Variants in FARS2 observed in about 807,000 individuals in gnomAD.
The protein encoded by FARS2 is phenylalanyl-tRNA synthetase 2, mitochondrial.
FARS2 carries 40 observed loss-of-function variants against 46.4 expected under a neutral mutation model. The observed-to-expected ratio is 0.86, with a 90% CI of 0.67 to 1.12. FARS2 has a LOEUF of 1.12. FARS2 is among the 50% of genes most tolerant of loss of function. FARS2 has a pLI of 0.00. For synonymous variants in FARS2, 234 were observed against 214.9 expected (o/e 1.09, Z -0.78); for missense variants, 513 against 567.9 (o/e 0.90, Z 0.98).
intron 2 of FARS2, among the ~76,000 whole-genome samples, chr6:5,389,343 GTCTC>G (rs1321779866): frequency 6.6e-6 from 1 of 151,690 alleles, no homozygotes; most frequent in Non-Finnish European, 1.5e-5. Flanking sequence ...CTTGTGTCCT[GTCTC>G]TCTCTCTCTC....
intron 6 of FARS2, among the ~76,000 whole-genome samples, chr6:5,649,819 C>T (rs1000598482): frequency 1.3e-5 from 2 of 152,174 alleles, no homozygotes; most frequent in Non-Finnish European, 2.9e-5. Flanking sequence ...TGGGGACCCA[C>T]AGGCCAAGTT....
intron 3 of FARS2, among the ~76,000 whole-genome samples, chr6:5,407,066 TA>T (rs1471304441): frequency 1.5e-4 from 16 of 109,626 alleles, no homozygotes; most frequent in East Asian, 7.6e-4. Flanking sequence ...TATATATATA[TA>T]ATGACCAATA....
chr6:5,345,618 G>C (rs1480162701), intron 1 of FARS2, among the ~76,000 whole-genome samples: 1 of 152,212 alleles, frequency 6.6e-6, no homozygotes, highest in East Asian at 1.9e-4. Context: ...TTAGAGAGCA[G>C]AGTAATTTCA....
chr6:5,519,720 A>G (rs1310135601), intron 4 of FARS2, among the ~76,000 whole-genome samples: 4 of 152,208 alleles, frequency 2.6e-5, no homozygotes, highest in African/African-American at 9.7e-5. Context: ...TGCGATTAAA[A>G]TAATAATAAT....
At chr6:5,770,942 C>A (rs1220828858) in intron 6 of FARS2, among the ~76,000 whole-genome samples, 1 of 152,098 alleles carries the variant, frequency 6.6e-6, no homozygotes, top group Non-Finnish European at 1.5e-5. Context: ...GTTAGAATCA[C>A]GTCGGGAACC....
At chr6:5,618,164 T>G (rs984955272) in intron 6 of FARS2, among the ~76,000 whole-genome samples, 8 of 152,224 alleles carry the variant, frequency 5.3e-5, no homozygotes, top group African/African-American at 1.9e-4. Flanking sequence ...GCCCATGGGC[T>G]GTAGGTTGCT....
At chr6:5,491,563 G>T (rs1767113987) in intron 4 of FARS2, among the ~76,000 whole-genome samples, 1 of 152,150 alleles carries the variant, frequency 6.6e-6, no homozygotes, top group Non-Finnish European at 1.5e-5. Flanking sequence ...CCTGTCTCTT[G>T]CCAGTTACTG....
chr6:5,760,700 T>C (rs1015066071), intron 6 of FARS2, among the ~76,000 whole-genome samples: 4 of 152,256 alleles, frequency 2.6e-5, no homozygotes, highest in Admixed American at 1.3e-4. Context: ...CTCTCAGCTA[T>C]TTGCGATTCC....
At chr6:5,360,193 G>T (rs922359207) in intron 1 of FARS2, among the ~76,000 whole-genome samples, 2 of 152,140 alleles carry the variant, frequency 1.3e-5, no homozygotes, top group East Asian at 3.8e-4. Flanking sequence ...CTGTTCATTT[G>T]TCCTTGTATT....
At position 5,731,088 on chromosome 6, in the gene FARS2, C is replaced by T. The variant is rs9392713; in HGVS notation, c.1218-40203C>T. ...ACATGCTCACCATACAGCCCGCCCC[C>T]GATGATTGTCAGGAGAGTCAGCTGA... is the stretch of plus-strand genomic sequence containing the variant. On this transcript the variant is annotated intron_variant, in intron 6 of 6. Transcript: ENST00000274680. Among the ~76,000 whole-genome samples, 13 of 152,262 alleles carry T rather than the reference C, an allele frequency of 8.5e-5. No homozygotes were observed. In the East Asian group the frequency reaches 2.3e-3, roughly 27 times the overall value.
rs200878410 is a variant in FARS2, at chr6:5,539,373, AT to A, written c.905-5799del. Among the ~76,000 whole-genome samples, 4 of 81,892 alleles carry A rather than the reference AT, an allele frequency of 4.9e-5. 1 individual carries two copies. In the South Asian group the frequency reaches 1.4e-3, roughly 28 times the overall value. The allele number at this position is 81,892 out of a possible 152,430, so 53.7% of individuals were successfully genotyped here. A position where few individuals can be genotyped will look rare whatever the true frequency, so the allele number is the denominator to read the frequency against. Reference sequence around the variant, plus strand: ...AGGTGCCCGCCACCATGCCCACCTAATTTTTTTTGTGTATATATATATATAT... The same window carrying A: ...AGGTGCCCGCCACCATGCCCACCTAATTTTTTTGTGTATATATATATATAT... On this transcript the variant is annotated intron_variant, in intron 4 of 6. Coordinates refer to ENST00000274680, the MANE Select transcript of FARS2 (RefSeq NM_006567.5).
chr6:5,365,818 A>G (rs981095617), intron 1 of FARS2, among the ~76,000 whole-genome samples: 1 of 152,228 alleles, frequency 6.6e-6, no homozygotes, highest in Non-Finnish European at 1.5e-5. Context: ...TAGGCATTAT[A>G]TACTGTATTA....
intron 1 of FARS2, among the ~76,000 whole-genome samples, chr6:5,309,511 G>C (rs1225377409): frequency 1.3e-5 from 2 of 152,104 alleles, no homozygotes; most frequent in East Asian, 1.9e-4. Flanking sequence ...GAAGAAATCT[G>C]GGTGGCTAAG....
intron 3 of FARS2, among the ~76,000 whole-genome samples, chr6:5,430,793 T>G (rs1020016521): frequency 3.3e-5 from 5 of 152,112 alleles, no homozygotes; most frequent in Non-Finnish European, 5.9e-5. Context: ...ATTTGACAAG[T>G]GATTGATTTG....
At chr6:5,572,943 C>A (rs1018032285) in intron 5 of FARS2, among the ~76,000 whole-genome samples, 6 of 152,178 alleles carry the variant, frequency 3.9e-5, no homozygotes, top group African/African-American at 1.4e-4. Context: ...TAGTTTAATG[C>A]TGTCTTGTTT....
chr6:5,724,308 G>A (rs1316080767), intron 6 of FARS2, among the ~76,000 whole-genome samples: 1 of 152,234 alleles, frequency 6.6e-6, no homozygotes, highest in Non-Finnish European at 1.5e-5. Flanking sequence ...AGCTAGCAGG[G>A]ACAAGGAGTA....
intron 1 of FARS2, among the ~76,000 whole-genome samples, chr6:5,285,000 C>T (rs1297708142): frequency 2.0e-5 from 3 of 152,182 alleles, no homozygotes; most frequent in East Asian, 1.9e-4. Flanking sequence ...CAACCTCTAA[C>T]GTTTTGTTAA....
chr6:5,289,945 A>C (rs1313207558), intron 1 of FARS2, among the ~76,000 whole-genome samples: 2 of 152,168 alleles, frequency 1.3e-5, no homozygotes, highest in African/African-American at 4.8e-5. Context: ...GAATTCTTGC[A>C]CCAGAGAAAA....
intron 4 of FARS2, among the ~76,000 whole-genome samples, chr6:5,432,363 A>ATT (rs67537120): frequency 1.2e-5 from 1 of 84,100 alleles, no homozygotes; most frequent in Non-Finnish European, 2.5e-5. Flanking sequence ...ATATATATAT[A>ATT]ATATATTATA....
Sources: allele counts gnomAD v4.1 joint callset (sites outside exome capture counted in the v4.1 genomes callset), GRCh38; gene constraint gnomAD v4.1.1; transcripts MANE v1.5; gene names NCBI Gene and HGNC (gene_info 2026-07-23, HGNC 2026-07-21).